Variants in PSMC3 observed in about 807,000 individuals in gnomAD.
PSMC3 encodes the protein proteasome 26S subunit, ATPase 3, also known as 26S proteasome regulatory subunit 6A.
PSMC3 carries 11 observed loss-of-function variants against 52.0 expected under a neutral mutation model. That is an observed-to-expected ratio of 0.21 (90% confidence interval 0.13 to 0.35). The LOEUF (loss-of-function observed/expected upper bound fraction) is 0.35, where lower values mean the gene tolerates loss of function less well. Ranked by LOEUF, PSMC3 falls within the 10% of genes least tolerant of loss-of-function variation. The pLI, the probability that PSMC3 is intolerant of heterozygous loss-of-function variation, is 1.00. For synonymous variants in PSMC3, 201 were observed against 218.8 expected (o/e 0.92, Z 0.72); for missense variants, 238 against 567.1 (o/e 0.42, Z 5.89).
chr11:47,420,848 G>A (rs1297207064), intron 8 of PSMC3, 121 bp from the exon 9 acceptor site: 2 of 796,514 alleles, frequency 2.5e-6, no homozygotes, highest in African/African-American at 1.7e-5. Context: ...CACTCAACTT[G>A]GGGCCCCCAG....
chr11:47,422,721 G>T lies in PSMC3; in HGVS notation c.737C>A (p.Ala246Asp), dbSNP rs1368885119. The T allele has an allele frequency of 6.2e-7, 1 of 1,614,028 alleles. No individual in the cohort carries two copies. Among genetic ancestry groups the T allele is most frequent in the Non-Finnish European group, 8.5e-7 (1 of 1,180,018 alleles). Residue 246 changes from alanine to aspartate, a missense_variant and splice_region_variant, in exon 8 of 12, where the codon GCC becomes GAC. Around this residue, in one of 6 missense-constraint regions of PSMC3, gnomAD observed 46 missense variants for 172.9 expected, o/e 0.27. Transcript: ENST00000298852. The surrounding 1 kb of genome is among the most constrained non-coding windows in gnomAD (Gnocchi z 4.3). The part of the protein sequence containing the change: ...LARACAAQTK[A>D]TFLKLAGPQL... ...GGGGCCAGCCAGCTTTAGGAAGGTG[G>T]CCTGGCAGGAAAAGGTGGTAGAGTC...
In PSMC3 at chr11:47,424,708, G is replaced by A. The variant is rs1595892734; in HGVS notation, c.289C>T (p.Leu97=). The part of the protein sequence containing the change: ...PYLVSNVIEL[L]DVDPNDQEED... ...TCTTGGTCATTAGGATCAACATCCAGGAGCTGGGAAGGAAAAAATACTCAG... is the reference window on the plus strand; with the variant it reads ...TCTTGGTCATTAGGATCAACATCCAAGAGCTGGGAAGGAAAAAATACTCAG... The change falls in exon 4 of 12, where the codon CTG becomes TTG. Residue 97 remains leucine, a synonymous_variant. Coordinates refer to ENST00000298852, the MANE Select transcript of PSMC3 (RefSeq NM_002804.5). The surrounding 1 kb of genome is among the most constrained non-coding windows in gnomAD (Gnocchi z 4.8). The A allele has an allele frequency of 6.2e-7, 1 of 1,611,348 alleles. No homozygotes were observed. Among genetic ancestry groups the A allele is most frequent in the Non-Finnish European group, 8.5e-7 (1 of 1,177,452 alleles).
rs1003887528 is a variant in PSMC3, at chr11:47,422,699, G to A, written c.759C>T (p.Gly253=). 5 of 1,614,056 alleles carry A rather than the reference G, an allele frequency of 3.1e-6. No homozygotes were observed. The African/African-American group carries it at 5.3e-5, about 17-fold the overall frequency. Residue 253 remains glycine, a synonymous_variant, in exon 8 of 12, where the codon GGC becomes GGT. Coordinates refer to ENST00000298852, the MANE Select transcript of PSMC3 (RefSeq NM_002804.5). The surrounding 1 kb of genome is among the most constrained non-coding windows in gnomAD (Gnocchi z 4.3). ...QTKATFLKLA[G]PQLVQMFIGD... ...CAATGAACATCTGCACCAGCTGGGG[G>A]CCAGCCAGCTTTAGGAAGGTGGCCT... is the stretch of plus-strand genomic sequence containing the variant.
chr11:47,423,067 A>G, intron 6 of PSMC3, 94 bp from the exon 7 acceptor site: 1 of 1,299,180 alleles, frequency 7.7e-7, no homozygotes, highest in Non-Finnish European at 1.1e-6. Context: ...CATCCCTCCT[A>G]CTCTAACTCA....
chr11:47,418,903 C>T lies in PSMC3; in HGVS notation c.1252G>A (p.Glu418Lys). The change falls in exon 12 of 12, where the codon GAG (glutamate) becomes AAG (lysine). Residue 418 changes from glutamate (E) to lysine (K), a missense_variant. By Grantham distance (56) the Glu-to-Lys change is moderately conservative (BLOSUM62 1). Around this residue, in one of 6 missense-constraint regions of PSMC3, gnomAD observed 23 missense variants for 64.6 expected, o/e 0.36. Coordinates refer to ENST00000298852, the MANE Select transcript of PSMC3 (RefSeq NM_002804.5). ...TCCAGGATGCCTTCCATGTAGTCCT[C>T]GTGGGTGAGCTCCGTGGCACCCCTG... ...LRRGATELTH[E>K]DYMEGILEVQ... 1 of 1,614,204 alleles carries T rather than the reference C, an allele frequency of 6.2e-7. No homozygotes were observed. The highest frequency in any genetic ancestry group is 8.5e-7 in the Non-Finnish European group (1 of 1,180,022).
intron 6 of PSMC3, 44 bp from the exon 7 acceptor site, chr11:47,423,017 C>T (rs1346713788): frequency 6.4e-7 from 1 of 1,557,512 alleles, no homozygotes; most frequent in Non-Finnish European, 8.7e-7. Flanking sequence ...GCCCTGAGGG[C>T]TTCTACAGCC....
At chr11:47,419,402 T>G (rs574976612) in intron 10 of PSMC3, among the ~76,000 whole-genome samples, 101 of 152,320 alleles carry the variant, frequency 6.6e-4, no homozygotes, top group African/African-American at 2.0e-3. Flanking sequence ...TAACAGGTTA[T>G]TTCTAGGGTC....
Position 47,420,359 on chromosome 11 carries a change from G to T in PSMC3, c.1032C>A (p.Arg344=). The change falls in exon 10 of 12, where the codon CGC becomes CGA. Residue 344 remains arginine, a synonymous_variant. Transcript: ENST00000298852. The part of the protein sequence containing the change: ...RVDILDPALL[R]SGRLDRKIEF... ...CTATCTTGCGGTCAAGGCGGCCCGAGCGGAGGAGGGCGGGGTCCAGGATGT... is the reference window on the plus strand; with the variant it reads ...CTATCTTGCGGTCAAGGCGGCCCGATCGGAGGAGGGCGGGGTCCAGGATGT... 1 of 1,614,198 alleles carries T rather than the reference G, an allele frequency of 6.2e-7. No individual in the cohort carries two copies. Among genetic ancestry groups the T allele is most frequent in the Non-Finnish European group, 8.5e-7 (1 of 1,180,024 alleles).
rs1595892634 is a variant in PSMC3 at position 47,424,328 on chromosome 11, G to A, written c.453+101C>T. On this transcript the variant is annotated intron_variant, in intron 5 of 11. Coordinates refer to ENST00000298852, the MANE Select transcript of PSMC3 (RefSeq NM_002804.5). This position sits in a 1 kb window ranked among gnomAD's most constrained non-coding sequence, Gnocchi z 4.8. ...AAGTAGACAGAATCCCAGACTCTCG[G>A]AGCTGTTCTGCCAAGATTCAGAGCC... is the stretch of plus-strand genomic sequence containing the variant. 4.5e-6 allele frequency: 7 copies of A among 1,556,886 alleles called. No individual in the cohort carries two copies. Among genetic ancestry groups the A allele is most frequent in the Non-Finnish European group, 5.3e-6 (6 of 1,129,542 alleles).
At position 47,419,150 on chromosome 11, in the gene PSMC3, T is replaced by C. The variant is rs757634277; in HGVS notation, c.1175A>G (p.Asn392Ser). 5 of 1,614,136 alleles carry C rather than the reference T, an allele frequency of 3.1e-6. No homozygotes were observed. The highest frequency in any genetic ancestry group is 1.3e-5 in the African/African-American group (1 of 75,016). ...ACACACAGCCTTGCACTGGGCCCCA[T>C]TGAAGTCATCTGTGCAGCGGGCCAG... is the stretch of plus-strand genomic sequence containing the variant. ...EELARCTDDF[N>S]GAQCKAVCVE... The change falls in exon 11 of 12, where the codon AAT becomes AGT. Residue 392 changes from asparagine to serine, a missense_variant. Around this residue, in one of 6 missense-constraint regions of PSMC3, gnomAD observed 40 missense variants for 53.3 expected, o/e 0.75. Coordinates refer to ENST00000298852, the MANE Select transcript of PSMC3 (RefSeq NM_002804.5).
chr11:47,423,028 C>T (rs2096042472), intron 6 of PSMC3, 55 bp from the exon 7 acceptor site: 1 of 1,529,560 alleles, frequency 6.5e-7, no homozygotes. Flanking sequence ...TTCTACAGCC[C>T]AACCCTTCAT....
At chr11:47,425,513 C>CCT (rs1176879056) in intron 2 of PSMC3, 2 of 566,448 alleles carry the variant, frequency 3.5e-6, no homozygotes, top group Non-Finnish European at 6.3e-6. Context: ...TTAGGTTCTG[C>CCT]CTCATAGTAA....
At position 47,419,134 on chromosome 11, in the gene PSMC3, C is replaced by T; in HGVS notation, c.1191G>A (p.Lys397=). The change falls in exon 11 of 12, where the codon AAG becomes AAA. Residue 397 remains lysine (K), a synonymous_variant. Coordinates refer to ENST00000298852, the MANE Select transcript of PSMC3 (RefSeq NM_002804.5). ...CTDDFNGAQC[K]AVCVEAGMIA... ...CACTCACCGCCTCCACACACACAGC[C>T]TTGCACTGGGCCCCATTGAAGTCAT... 1 of 1,614,210 alleles carries T rather than the reference C, an allele frequency of 6.2e-7. No individual in the cohort carries two copies. The highest frequency in any genetic ancestry group is 8.5e-7 in the Non-Finnish European group (1 of 1,180,034).
rs544614924 is a variant in PSMC3, at chr11:47,424,312, G to A, written c.453+117C>T. 6.4e-6 allele frequency: 10 copies of A among 1,556,428 alleles called. No homozygotes were observed. In the East Asian group the frequency reaches 2.0e-4, roughly 31 times the overall value. ...ACAAGAATCAAACAGCAAGTAGACAGAATCCCAGACTCTCGGAGCTGTTCT... is the reference window on the plus strand; with the variant it reads ...ACAAGAATCAAACAGCAAGTAGACAAAATCCCAGACTCTCGGAGCTGTTCT... On this transcript the variant is annotated intron_variant, in intron 5 of 11. Coordinates refer to ENST00000298852, the MANE Select transcript of PSMC3 (RefSeq NM_002804.5). The surrounding 1 kb of genome is among the most constrained non-coding windows in gnomAD (Gnocchi z 4.8).
chr11:47,423,384 G>A (rs903364464), intron 6 of PSMC3, among the ~76,000 whole-genome samples: 3 of 151,420 alleles, frequency 2.0e-5, no homozygotes, highest in South Asian at 2.1e-4. Context: ...CAGCCTGAGC[G>A]GCAGAGCAAG....
rs2096037197 is a variant in PSMC3, at chr11:47,419,337, GT to G, written c.1128-141del. The G allele has an allele frequency of 6.2e-6, 5 of 806,278 alleles. No individual in the cohort carries two copies. The East Asian group carries it at 1.1e-4, about 17-fold the overall frequency. 49.9% of individuals were successfully genotyped at this position (806,278 alleles called of 1,614,324 possible). On this transcript the variant is annotated intron_variant, in intron 10 of 11. Transcript: ENST00000298852. ...GCAAGTCCCTTACTCAATGCGCCTT[GT>G]TTTCTTCTCAGTACAAGATGTGGGG... is the stretch of plus-strand genomic sequence containing the variant.
intron 3 of PSMC3, 29 bp downstream of exon 3, chr11:47,425,092 C>T (rs2096044900): frequency 1.2e-6 from 2 of 1,613,760 alleles, no homozygotes; most frequent in African/African-American, 1.3e-5. Context: ...CTGCTGACTC[C>T]CTCTCTTCCC....
Position 47,426,275 on chromosome 11 carries a change from T to C in PSMC3, c.5A>G (p.Asn2Ser). ...TGGACTCTCAATATTCGGCAGCAGA[T>C]TCATTTCCTGGAGGAGCGGGCAGAA... M[N>S]LLPNIESPVT... The change falls in exon 1 of 12, where the codon AAT (asparagine) becomes AGT (serine). Residue 2 changes from asparagine (N) to serine (S), a missense_variant. This residue lies in a region of PSMC3 where 48 missense variants were observed against 63.4 expected (regional missense o/e 0.76). Transcript: ENST00000298852. 1 of 1,552,810 alleles carries C rather than the reference T, an allele frequency of 6.4e-7. No individual in the cohort carries two copies. Among genetic ancestry groups the C allele is most frequent in the Non-Finnish European group, 8.7e-7 (1 of 1,147,678 alleles).
At chr11:47,425,526 A>G (rs1442409545) in intron 2 of PSMC3, 14 of 557,802 alleles carry the variant, frequency 2.5e-5, no homozygotes, top group Non-Finnish European at 3.8e-5. Flanking sequence ...CATAGTAAGA[A>G]CTGGGTGCTT....
Sources: gnomAD v4.1 joint callset for allele counts (sites outside exome capture counted in the v4.1 genomes callset) on GRCh38, gnomAD v4.1.1 for gene constraint, gnomAD v4.1.1 regional missense constraint, Gnocchi (gnomAD v3.1) non-coding constraint, MANE v1.5 for transcripts, NCBI Gene and HGNC (gene_info 2026-07-23, HGNC 2026-07-21) for gene names.